The following PEX3 variants were observed in gnomAD, a reference collection of about 807,000 sequenced individuals.
PEX3 encodes the protein peroxin-3.
A neutral mutation model predicts 55.8 loss-of-function variants in PEX3; 30 were observed. The observed-to-expected ratio is 0.54, with a 90% CI of 0.40 to 0.73. PEX3 has a LOEUF of 0.73. Among genes scored for constraint, PEX3 ranks in the 30% least tolerant of loss-of-function variants. The pLI, the probability that PEX3 is intolerant of heterozygous loss-of-function variation, is 0.00. For missense variants in PEX3, 351 were observed against 432.8 expected (o/e 0.81, Z 1.68); for synonymous variants, 135 against 148.4 (o/e 0.91, Z 0.66).
Position 143,466,644 on chromosome 6 carries a change from T to A in PEX3, c.288-1478T>A, listed in dbSNP as rs1779996271. Among the ~76,000 whole-genome samples, 2 of 151,978 alleles carry A rather than the reference T, an allele frequency of 1.3e-5. No individual in the cohort carries two copies. Among genetic ancestry groups the A allele is most frequent in the South Asian group, 4.1e-4 (2 of 4,820 alleles). On this transcript the variant is annotated intron_variant, in intron 3 of 11. Coordinates refer to ENST00000367591, the MANE Select transcript of PEX3 (RefSeq NM_003630.3). The surrounding 1 kb of genome is among the most constrained non-coding windows in gnomAD (Gnocchi z 5.4). ...CATCTACCGAGGGTCTTCAAACGTA[T>A]CCCCCAAGGATAAGAAGGGACTACT...
intron 3 of PEX3, among the ~76,000 whole-genome samples, chr6:143,467,579 C>T (rs1024705304): frequency 2.0e-5 from 3 of 151,948 alleles, no homozygotes; most frequent in Non-Finnish European, 4.4e-5. Context: ...GTTTTCATGT[C>T]AGAAACTGTA....
chr6:143,452,588 T>G (rs1779791583), intron 1 of PEX3, among the ~76,000 whole-genome samples: 1 of 152,096 alleles, frequency 6.6e-6, no homozygotes, highest in African/African-American at 2.4e-5. Flanking sequence ...TTTAAAAAAC[T>G]AACAAGAGCT....
At position 143,483,540 on chromosome 6, in the gene PEX3, G is replaced by C. The variant is rs190174808; in HGVS notation, c.942-1612G>C. On this transcript the variant is annotated intron_variant, in intron 10 of 11. Transcript: ENST00000367591. This position sits in a 1 kb window ranked among gnomAD's most constrained non-coding sequence, Gnocchi z 4.3. Reference sequence around the variant, plus strand: ...TTATAAAGAGGCTGGCATGGTAGCTGAATACATAGAACAAGAGTGGTGTCA... The same window carrying C: ...TTATAAAGAGGCTGGCATGGTAGCTCAATACATAGAACAAGAGTGGTGTCA... Among the ~76,000 whole-genome samples, 1 of 152,274 alleles carries C rather than the reference G, an allele frequency of 6.6e-6. No individual in the cohort carries two copies. The highest frequency in any genetic ancestry group is 2.4e-5 in the African/African-American group (1 of 41,564).
intron 1 of PEX3, among the ~76,000 whole-genome samples, chr6:143,452,635 A>G (rs189308841): frequency 2.0e-3 from 299 of 152,308 alleles, no homozygotes; most frequent in African/African-American, 6.8e-3. Flanking sequence ...AAAAAATAGA[A>G]AAGTTCAGAC....
chr6:143,479,888 A>G lies in PEX3; in HGVS notation c.941+690A>G. On this transcript the variant is annotated intron_variant, in intron 10 of 11. Coordinates refer to ENST00000367591, the MANE Select transcript of PEX3 (RefSeq NM_003630.3). This position sits in a 1 kb window ranked among gnomAD's most constrained non-coding sequence, Gnocchi z 4.6. ...TTTTTTATGTCAAACTCGGAAAATA[A>G]TGGGTACTAAATTAATGTTGACTGA... Among the ~76,000 whole-genome samples the G allele has an allele frequency of 6.6e-6, 1 of 152,126 alleles. No homozygotes were observed. Among genetic ancestry groups the G allele is most frequent in the East Asian group, 1.9e-4 (1 of 5,206 alleles).
Position 143,450,958 on chromosome 6 carries a change from G to A in PEX3, c.-85G>A. 2.0e-6 allele frequency: 2 copies of A among 1,023,540 alleles called. No individual in the cohort carries two copies. The highest frequency in any genetic ancestry group is 1.7e-5 in the Admixed American group (1 of 59,362). 63.4% of individuals were successfully genotyped at this position (1,023,540 alleles called of 1,614,324 possible). A position where few individuals can be genotyped will look rare whatever the true frequency, so the allele number is the denominator to read the frequency against. ...AACGGGACGACGGCGCTCTTGCTGGGTCATCTGGGCCAGGTGACGAAGAAA... is the reference window on the plus strand; with the variant it reads ...AACGGGACGACGGCGCTCTTGCTGGATCATCTGGGCCAGGTGACGAAGAAA... On this transcript the variant is annotated 5_prime_UTR_variant, in exon 1 of 12. Coordinates refer to ENST00000367591, the MANE Select transcript of PEX3 (RefSeq NM_003630.3).
At position 143,479,557 on chromosome 6, in the gene PEX3, T is replaced by G. The variant is rs979755154; in HGVS notation, c.941+359T>G. Reference sequence around the variant, plus strand: ...ATGTTATTCCATTACTGCAGGCCATTTTGGTCTGCATATTTCAATATTTTG... The same window carrying G: ...ATGTTATTCCATTACTGCAGGCCATGTTGGTCTGCATATTTCAATATTTTG... On this transcript the variant is annotated intron_variant, in intron 10 of 11. Transcript: ENST00000367591. This position sits in a 1 kb window ranked among gnomAD's most constrained non-coding sequence, Gnocchi z 4.6. Among the ~76,000 whole-genome samples, 2 of 152,108 alleles carry G rather than the reference T, an allele frequency of 1.3e-5. No individual in the cohort carries two copies. Among genetic ancestry groups the G allele is most frequent in the African/African-American group, 4.8e-5 (2 of 41,442 alleles).
In PEX3 at chr6:143,458,310, T is replaced by G. The variant is rs73580312; in HGVS notation, c.74-775T>G. On this transcript the variant is annotated intron_variant, in intron 1 of 11. Coordinates refer to ENST00000367591, the MANE Select transcript of PEX3 (RefSeq NM_003630.3). This position sits in a 1 kb window ranked among gnomAD's most constrained non-coding sequence, Gnocchi z 6.1. ...CCACCTATATTCTTATCCTGTGGTG[T>G]TAGAATTTAGGAGTTTCTGTACCCT... Among the ~76,000 whole-genome samples, 1 of 152,154 alleles carries G rather than the reference T, an allele frequency of 6.6e-6. No individual in the cohort carries two copies. Among genetic ancestry groups the G allele is most frequent in the Non-Finnish European group, 1.5e-5 (1 of 68,004 alleles).
rs1780338884 is a variant in PEX3, at chr6:143,487,667, T to C, written c.1039-1476T>C. On this transcript the variant is annotated intron_variant, in intron 11 of 11. Transcript: ENST00000367591. The surrounding 1 kb of genome is among the most constrained non-coding windows in gnomAD (Gnocchi z 5.3). ...TTGTGCCAAAGTGAATGTGGACCTG[T>C]CTGCTACTGTTCATGCTGTTGAGCA... Among the ~76,000 whole-genome samples the C allele has an allele frequency of 1.3e-5, 2 of 152,148 alleles. No homozygotes were observed. Among genetic ancestry groups the C allele is most frequent in the South Asian group, 4.1e-4 (2 of 4,834 alleles).
Position 143,489,251 on chromosome 6 carries a change from T to G in PEX3, c.*25T>G, listed in dbSNP as rs760791128. ...ATTTTTCCTTCAAGAAAAACTACAGTGGGATTCATTTACTTTTTAAAATAC... is the reference window on the plus strand; with the variant it reads ...ATTTTTCCTTCAAGAAAAACTACAGGGGGATTCATTTACTTTTTAAAATAC... On this transcript the variant is annotated 3_prime_UTR_variant, in exon 12 of 12. Coordinates refer to ENST00000367591, the MANE Select transcript of PEX3 (RefSeq NM_003630.3). This position sits in a 1 kb window ranked among gnomAD's most constrained non-coding sequence, Gnocchi z 5.5. 5 of 1,279,144 alleles carry G rather than the reference T, an allele frequency of 3.9e-6. No homozygotes were observed. The South Asian group carries it at 4.7e-5, about 12-fold the overall frequency. The allele number at this position is 1,279,144 out of a possible 1,614,324, so 79.2% of individuals were successfully genotyped here.
Position 143,450,825 on chromosome 6 carries a change from C to G in PEX3, c.-218C>G. On this transcript the variant is annotated 5_prime_UTR_variant, in exon 1 of 12. Transcript: ENST00000367591. ...GGACCAGTGAGCGGCGGCGGCTGCG[C>G]GGCGGCAGCGGCAGAAAGCGTAGCT... is the stretch of plus-strand genomic sequence containing the variant. The G allele has an allele frequency of 1.3e-6, 1 of 770,450 alleles. No homozygotes were observed. Among genetic ancestry groups the G allele is most frequent in the Non-Finnish European group, 2.2e-6 (1 of 464,984 alleles). 47.7% of individuals were successfully genotyped at this position (770,450 alleles called of 1,614,324 possible). A position where few individuals can be genotyped will look rare whatever the true frequency, so the allele number is the denominator to read the frequency against.
At position 143,471,010 on chromosome 6, in the gene PEX3, T is replaced by A. The variant is rs1320951953; in HGVS notation, c.381T>A (p.Val127=). The change falls in exon 5 of 12, where the codon GTT becomes GTA. Residue 127 remains valine, a synonymous_variant. Coordinates refer to ENST00000367591, the MANE Select transcript of PEX3 (RefSeq NM_003630.3). The surrounding 1 kb of genome is among the most constrained non-coding windows in gnomAD (Gnocchi z 5.4). The stretch of plus-strand genomic sequence containing the variant: ...TATACAGTACCTGTATGCTGGTTGT[T>A]CTTTTGCGGGTCCAGTTAAACATAA... ...VAVYSTCMLV[V]LLRVQLNIIG... is the part of the protein sequence containing the mutation. 6.2e-7 allele frequency: 1 copy of A among 1,613,178 alleles called. No individual in the cohort carries two copies. The highest frequency in any genetic ancestry group is 8.5e-7 in the Non-Finnish European group (1 of 1,179,248).
Position 143,466,069 on chromosome 6 carries a change from G to A in PEX3, c.288-2053G>A, listed in dbSNP as rs999247848. On this transcript the variant is annotated intron_variant, in intron 3 of 11. Transcript: ENST00000367591. The surrounding 1 kb of genome is among the most constrained non-coding windows in gnomAD (Gnocchi z 5.4). ...AAATGGATCCTTCCACTAGTGGTTT[G>A]AAAAGCACTAAACTACCTCCACATA... Among the ~76,000 whole-genome samples, 5 of 151,946 alleles carry A rather than the reference G, an allele frequency of 3.3e-5. No homozygotes were observed. Among genetic ancestry groups the A allele is most frequent in the Non-Finnish European group, 5.9e-5 (4 of 67,896 alleles).
intron 10 of PEX3, among the ~76,000 whole-genome samples, chr6:143,481,972 A>G (rs966683585): frequency 4.0e-5 from 6 of 151,864 alleles, no homozygotes; most frequent in Non-Finnish European, 7.4e-5. Context: ...TGTCTCTTAA[A>G]AAAATATATA....
chr6:143,463,568 T>G lies in PEX3; in HGVS notation c.287+571T>G, dbSNP rs1379658096. Among the ~76,000 whole-genome samples the G allele has an allele frequency of 6.6e-6, 1 of 152,150 alleles. No homozygotes were observed. The highest frequency in any genetic ancestry group is 1.5e-5 in the Non-Finnish European group (1 of 68,018). ...TGTAGCATGTGTTGGGGTATTGTAA[T>G]TTGGTATGATACTGTATTAGTTTGA... On this transcript the variant is annotated intron_variant, in intron 3 of 11. Transcript: ENST00000367591. The surrounding 1 kb of genome is among the most constrained non-coding windows in gnomAD (Gnocchi z 5.7).
chr6:143,462,155 T>TC lies in PEX3; in HGVS notation c.206-758dup, dbSNP rs1005487864. ...TCCTAAAAATCACATGAAGTTTTTT[T>TC]CCCATAGATTGCTAGTCTCATTTCA... On this transcript the variant is annotated intron_variant, in intron 2 of 11. Coordinates refer to ENST00000367591, the MANE Select transcript of PEX3 (RefSeq NM_003630.3). The surrounding 1 kb of genome is among the most constrained non-coding windows in gnomAD (Gnocchi z 4.1). Among the ~76,000 whole-genome samples, 22 of 152,198 alleles carry TC rather than the reference T, an allele frequency of 1.4e-4. No individual in the cohort carries two copies. Among genetic ancestry groups the TC allele is most frequent in the African/African-American group, 5.3e-4 (22 of 41,440 alleles).
rs1005317595 is a variant in PEX3 at position 143,465,619 on chromosome 6, A to G, written c.288-2503A>G. On this transcript the variant is annotated intron_variant, in intron 3 of 11. Transcript: ENST00000367591. The surrounding 1 kb of genome is among the most constrained non-coding windows in gnomAD (Gnocchi z 4.7). The stretch of plus-strand genomic sequence containing the variant: ...TCTGAGGGAGCATTCAAAAAGAGAT[A>G]TGAGTCACTTAGGATACATTAAATA... Among the ~76,000 whole-genome samples the G allele has an allele frequency of 6.6e-6, 1 of 152,076 alleles. No individual in the cohort carries two copies. Among genetic ancestry groups the G allele is most frequent in the Non-Finnish European group, 1.5e-5 (1 of 67,924 alleles).
Position 143,487,738 on chromosome 6 carries a change from T to TA in PEX3, c.1039-1404dup, listed in dbSNP as rs963944061. On this transcript the variant is annotated intron_variant, in intron 11 of 11. Transcript: ENST00000367591. This position sits in a 1 kb window ranked among gnomAD's most constrained non-coding sequence, Gnocchi z 5.3. The stretch of plus-strand genomic sequence containing the variant: ...GCTGACTTGCTAGTATTTTTTTTTT[T>TA]ATCTACTGTAACTATTCTGAAAGCT... Among the ~76,000 whole-genome samples the TA allele has an allele frequency of 2.0e-5, 3 of 152,072 alleles. No individual in the cohort carries two copies. Among genetic ancestry groups the TA allele is most frequent in the African/African-American group, 7.2e-5 (3 of 41,434 alleles).
Position 143,462,323 on chromosome 6 carries a change from A to G in PEX3, c.206-593A>G, listed in dbSNP as rs1779930443. Among the ~76,000 whole-genome samples the G allele has an allele frequency of 6.6e-6, 1 of 152,122 alleles. No homozygotes were observed. The highest frequency in any genetic ancestry group is 6.5e-5 in the Admixed American group (1 of 15,268). Reference sequence around the variant, plus strand: ...TAAATGTTTATTGCTTTGTAGTATTACAAACAGTAAACATGTACAATAAAC... The same window carrying G: ...TAAATGTTTATTGCTTTGTAGTATTGCAAACAGTAAACATGTACAATAAAC... On this transcript the variant is annotated intron_variant, in intron 2 of 11. Coordinates refer to ENST00000367591, the MANE Select transcript of PEX3 (RefSeq NM_003630.3). The surrounding 1 kb of genome is among the most constrained non-coding windows in gnomAD (Gnocchi z 4.1).
Sources: gnomAD v4.1 joint callset for allele counts (sites outside exome capture counted in the v4.1 genomes callset) on GRCh38, gnomAD v4.1.1 for gene constraint, Gnocchi (gnomAD v3.1) non-coding constraint, MANE v1.5 for transcripts, NCBI Gene and HGNC (gene_info 2026-07-23, HGNC 2026-07-21) for gene names.